Variants in YWHAZ observed in about 807,000 individuals in gnomAD.
YWHAZ encodes the protein tyrosine 3-monooxygenase/tryptophan 5-monooxygenase activation protein zeta, also known as 14-3-3 protein zeta/delta.
For missense variants in YWHAZ, 79 were observed against 284.8 expected (o/e 0.28, Z 5.20); for synonymous variants, 87 against 103.6 (o/e 0.84, Z 0.97).
chr8:100,951,957 A>G lies in YWHAZ; in HGVS notation c.-40T>C, dbSNP rs2130393870. 1 of 1,001,928 alleles carries G rather than the reference A, an allele frequency of 1.0e-6. No individual in the cohort carries two copies. The highest frequency in any genetic ancestry group is 4.1e-5 in the South Asian group (1 of 24,448). 62.1% of individuals were successfully genotyped at this position (1,001,928 alleles called of 1,614,324 possible). A position where few individuals can be genotyped will look rare whatever the true frequency, so the allele number is the denominator to read the frequency against. On this transcript the variant is annotated 5_prime_UTR_variant, in exon 1 of 6. Coordinates refer to ENST00000395958, the MANE Select transcript of YWHAZ (RefSeq NM_145690.3). ...TGTCCGGAGTGGGTGGTGGCGGCGG[A>G]CGGACGGGCTCAGCAGTCTCTGGGC... is the stretch of plus-strand genomic sequence containing the variant.
At chr8:100,947,070 G>A (rs1810340933) in intron 2 of YWHAZ, among the ~76,000 whole-genome samples, 1 of 151,396 alleles carries the variant, frequency 6.6e-6, no homozygotes, top group Non-Finnish European at 1.5e-5. Flanking sequence ...TGGCTAACAT[G>A]GTGAAACCCC....
At chr8:100,938,670 C>T (rs567178233) in intron 2 of YWHAZ, among the ~76,000 whole-genome samples, 1 of 152,232 alleles carries the variant, frequency 6.6e-6, no homozygotes, top group East Asian at 1.9e-4. Flanking sequence ...AATCCTAGAT[C>T]TCTTAAAATT....
At position 100,933,184 on chromosome 8, in the gene YWHAZ, G is replaced by C. The variant is rs1023135121; in HGVS notation, c.295-8145C>G. 1.6e-4 allele frequency among the ~76,000 whole-genome samples: 24 copies of C among 152,022 alleles called. No individual in the cohort carries two copies. The East Asian group carries it at 4.6e-3, about 29-fold the overall frequency. ...GACCAGCCTGGCCAAGATGGTGAAA[G>C]CCTGTCTCTACTAAAAATACAAAAA... On this transcript the variant is annotated intron_variant, in intron 2 of 5. Coordinates refer to ENST00000395958, the MANE Select transcript of YWHAZ (RefSeq NM_145690.3).
chr8:100,952,157 G>A (rs924679218), upstream of YWHAZ: 1 of 985,350 alleles, frequency 1.0e-6, no homozygotes, highest in South Asian at 4.7e-5. Context: ...GGTGCCCACA[G>A]CGATCGGGGC....
intron 2 of YWHAZ, among the ~76,000 whole-genome samples, chr8:100,944,705 T>C (rs1461091986): frequency 1.3e-5 from 2 of 152,216 alleles, no homozygotes; most frequent in South Asian, 4.1e-4. Context: ...ATAGGCAGGC[T>C]CACACTTTTA....
chr8:100,944,117 A>G (rs73697344), intron 2 of YWHAZ, among the ~76,000 whole-genome samples: 6,937 of 152,300 alleles, frequency 0.046, 171 homozygotes, highest in Non-Finnish European at 0.058. Flanking sequence ...AATATACAGT[A>G]TATCTTAATA....
chr8:100,918,443 T>TATATATAAAAA lies in YWHAZ; in HGVS notation c.*2249_*2250insTTTTTATATAT, dbSNP rs1417316114. ...ATATATATATATATATATATATATATAATTATTTTACCTCCTTGGCTTGGG... is the reference window on the plus strand; with the variant it reads ...ATATATATATATATATATATATATATATATATAAAAAAATTATTTTACCTCCTTGGCTTGGG... On this transcript the variant is annotated 3_prime_UTR_variant, in exon 6 of 6. Transcript: ENST00000395958. 4 of 117,072 alleles carry TATATATAAAAA rather than the reference T, an allele frequency of 3.4e-5. No individual in the cohort carries two copies. The highest frequency in any genetic ancestry group is 1.4e-4 in the African/African-American group (4 of 29,618). 7.3% of individuals were successfully genotyped at this position (117,072 alleles called of 1,614,324 possible).
At chr8:100,933,358 C>CA (rs35225207) in intron 2 of YWHAZ, among the ~76,000 whole-genome samples, 64,997 of 141,764 alleles carry the variant, frequency 0.46, 15,094 homozygotes, top group South Asian at 0.64. Context: ...GCCTCCGTCT[C>CA]AAAAAAAAAA....
chr8:100,946,896 A>C (rs1410821353), intron 2 of YWHAZ, among the ~76,000 whole-genome samples: 1 of 151,218 alleles, frequency 6.6e-6, no homozygotes, highest in Non-Finnish European at 1.5e-5. Flanking sequence ...AAAAAAAAAA[A>C]ACAAAAAAAA....
chr8:100,926,993 A>T (rs776133446), intron 2 of YWHAZ, among the ~76,000 whole-genome samples: 1 of 152,198 alleles, frequency 6.6e-6, no homozygotes, highest in Non-Finnish European at 1.5e-5. Context: ...GAATTACAGC[A>T]CTATACACCG....
At chr8:100,950,388 C>T in intron 1 of YWHAZ, 1 of 985,516 alleles carries the variant, frequency 1.0e-6, no homozygotes, top group African/African-American at 1.7e-5. Context: ...GGACTCACCG[C>T]ACCCATTTAA....
intron 1 of YWHAZ, chr8:100,951,440 G>A (rs1001103239): frequency 6.6e-5 from 65 of 982,484 alleles, no homozygotes; most frequent in Non-Finnish European, 7.4e-5. Context: ...AGGGAGAGGG[G>A]AGGGGGCGGC....
chr8:100,923,910 C>T, intron 5 of YWHAZ, 45 bp downstream of exon 5: 3 of 1,501,292 alleles, frequency 2.0e-6, no homozygotes, highest in Non-Finnish European at 2.7e-6. Context: ...TAAAACATAA[C>T]CTCTTCAACC....
At chr8:100,951,154 G>C in intron 1 of YWHAZ, 1 of 983,024 alleles carries the variant, frequency 1.0e-6, no homozygotes, top group Non-Finnish European at 1.2e-6. Context: ...TTCAGCTCTA[G>C]GTCCCAGGCG....
intron 2 of YWHAZ, among the ~76,000 whole-genome samples, chr8:100,930,181 C>G (rs1813666684): frequency 6.6e-6 from 1 of 152,244 alleles, no homozygotes; most frequent in Non-Finnish European, 1.5e-5. Context: ...TCACTGCAAC[C>G]TCAGCCTCCC....
chr8:100,951,077 G>C, intron 1 of YWHAZ: 5 of 511,582 alleles, frequency 9.8e-6, no homozygotes, highest in Non-Finnish European at 1.2e-5. Flanking sequence ...AGCAAAAAAA[G>C]TCAGACCCAT....
rs1191229535 is a variant in YWHAZ, at chr8:100,948,039, A to C, written c.294+557T>G. The C allele has an allele frequency of 1.2e-5, 17 of 1,460,270 alleles. No homozygotes were observed. The highest frequency in any genetic ancestry group is 1.6e-5 in the Non-Finnish European group (17 of 1,083,336). 90.5% of individuals were successfully genotyped at this position (1,460,270 alleles called of 1,614,324 possible). A position where few individuals can be genotyped will look rare whatever the true frequency, so the allele number is the denominator to read the frequency against. On this transcript the variant is annotated intron_variant, in intron 2 of 5. Coordinates refer to ENST00000395958, the MANE Select transcript of YWHAZ (RefSeq NM_145690.3). The surrounding 1 kb of genome is among the most constrained non-coding windows in gnomAD (Gnocchi z 4.2). ...CTGGAAAATCAAGCTTGAGTTGTTC[A>C]TAACCTTTCATCATGGTTGTGAGTG... is the stretch of plus-strand genomic sequence containing the variant.
rs772263303 is a variant in YWHAZ, at chr8:100,924,883, C to T, written c.418+33G>A. 5.0e-6 allele frequency: 8 copies of T among 1,610,440 alleles called. No homozygotes were observed. In the Admixed American group the frequency reaches 1.2e-4, roughly 24 times the overall value. ...CTCTTCCTCACTATGTTATCTTATA[C>T]AAGTTCAACCAACAGGTTTAAAAAC... On this transcript the variant is annotated intron_variant, in intron 3 of 5. Coordinates refer to ENST00000395958, the MANE Select transcript of YWHAZ (RefSeq NM_145690.3). This position sits in a 1 kb window ranked among gnomAD's most constrained non-coding sequence, Gnocchi z 5.7.
intron 1 of YWHAZ, chr8:100,951,439 G>A (rs1810768820): frequency 2.4e-5 from 24 of 980,144 alleles, no homozygotes; most frequent in Non-Finnish European, 2.8e-5. Flanking sequence ...GAGGGAGAGG[G>A]GAGGGGGCGG....
Sources: allele counts gnomAD v4.1 joint callset (sites outside exome capture counted in the v4.1 genomes callset), GRCh38; gene constraint gnomAD v4.1.1; non-coding constraint Gnocchi (gnomAD v3.1); transcripts MANE v1.5; gene names NCBI Gene and HGNC (gene_info 2026-07-23, HGNC 2026-07-21).